The following DENND1A variants were observed in gnomAD, a reference collection of about 807,000 sequenced individuals.
DENND1A encodes DENN domain containing 1A.
In DENND1A, 51 loss-of-function variants were observed where a neutral mutation model predicts 113.7. The observed-to-expected ratio is 0.45, with a 90% confidence interval of 0.36 to 0.57. The LOEUF (loss-of-function observed/expected upper bound fraction) is 0.57, where lower values mean the gene tolerates loss of function less well. Among genes scored for constraint, DENND1A ranks in the 20% least tolerant of loss-of-function variants. The pLI is 0.00. For missense variants in DENND1A, 1,258 were observed against 1,395.9 expected (o/e 0.90, Z 1.57); for synonymous variants, 565 against 570.8 (o/e 0.99, Z 0.14).
intron 11 of DENND1A, among the ~76,000 whole-genome samples, chr9:123,596,242 A>T (rs1392473569): frequency 6.6e-6 from 1 of 152,148 alleles, no homozygotes; most frequent in Non-Finnish European, 1.5e-5. Context: ...TGAACAACAG[A>T]TTCTTTGGCC....
chr9:123,540,216 A>T (rs1482664584), intron 13 of DENND1A, among the ~76,000 whole-genome samples: 1 of 152,250 alleles, frequency 6.6e-6, no homozygotes, highest in East Asian at 1.9e-4. Flanking sequence ...AGAGCCAGGT[A>T]CCATGCTGTA....
intron 11 of DENND1A, among the ~76,000 whole-genome samples, chr9:123,596,895 T>C (rs989955111): frequency 1.1e-4 from 16 of 152,192 alleles, no homozygotes; most frequent in African/African-American, 7.2e-5. Flanking sequence ...ATCTGTAAAA[T>C]AGGGGCCCCA....
At chr9:123,527,534 T>G (rs556866304) in intron 13 of DENND1A, among the ~76,000 whole-genome samples, 1 of 152,274 alleles carries the variant, frequency 6.6e-6, no homozygotes, top group South Asian at 2.1e-4. Flanking sequence ...TATCCCTGGC[T>G]ACCCCACTCA....
At chr9:123,386,551 T>C (rs1413874285) in intron 22 of DENND1A, among the ~76,000 whole-genome samples, 1 of 151,978 alleles carries the variant, frequency 6.6e-6, no homozygotes, top group Non-Finnish European at 1.5e-5. Flanking sequence ...CCAGCTAATT[T>C]TTGTAGTTTT....
At chr9:123,523,098 T>C (rs1485025469) in intron 13 of DENND1A, among the ~76,000 whole-genome samples, 2 of 152,166 alleles carry the variant, frequency 1.3e-5, no homozygotes, top group Non-Finnish European at 2.9e-5. Context: ...ATTGGTAACA[T>C]ACTTAACAAA....
chr9:123,473,889 T>C (rs1269312803), intron 13 of DENND1A, among the ~76,000 whole-genome samples: 1 of 151,868 alleles, frequency 6.6e-6, no homozygotes, highest in African/African-American at 2.4e-5. Context: ...CTTCGGTGGC[T>C]GAGCTTCTGC....
At chr9:123,851,809 T>C (rs1285844748) in intron 2 of DENND1A, among the ~76,000 whole-genome samples, 1 of 151,940 alleles carries the variant, frequency 6.6e-6, no homozygotes, top group Non-Finnish European at 1.5e-5. Context: ...AAAATACAAA[T>C]GAAAAAACAA....
At chr9:123,623,569 T>A (rs1034459975) in intron 10 of DENND1A, among the ~76,000 whole-genome samples, 8 of 152,114 alleles carry the variant, frequency 5.3e-5, no homozygotes, top group Non-Finnish European at 1.0e-4. Flanking sequence ...AAAAAAATAA[T>A]TTGAGAAATA....
chr9:123,817,170 A>G lies in DENND1A; in HGVS notation c.89-24540T>C, dbSNP rs571446592. Among the ~76,000 whole-genome samples, 4 of 152,322 alleles carry G rather than the reference A, an allele frequency of 2.6e-5. No individual in the cohort carries two copies. The South Asian group carries it at 8.3e-4, about 32-fold the overall frequency. Reference sequence around the variant, plus strand: ...AGCCTAGATGATCTCCATGGTCAAAATATAAGTGAAAAGGGACAAAGATTT... The same window carrying G: ...AGCCTAGATGATCTCCATGGTCAAAGTATAAGTGAAAAGGGACAAAGATTT... On this transcript the variant is annotated intron_variant, in intron 2 of 23. Coordinates refer to ENST00000394215, the MANE Select transcript of DENND1A (RefSeq NM_001352964.2).
At chr9:123,611,967 C>T (rs2060437637) in intron 10 of DENND1A, among the ~76,000 whole-genome samples, 1 of 152,148 alleles carries the variant, frequency 6.6e-6, no homozygotes, top group Admixed American at 6.5e-5. Flanking sequence ...AATAATTATC[C>T]AAAGAGTAAT....
intron 8 of DENND1A, 103 bp from the exon 9 acceptor site, chr9:123,652,226 C>A: frequency 1.0e-6 from 1 of 991,052 alleles, no homozygotes; most frequent in Non-Finnish European, 1.5e-6. Context: ...AGAAAGTATA[C>A]TCTGTTCTTT....
At chr9:123,560,839 T>C (rs1347604330) in intron 12 of DENND1A, among the ~76,000 whole-genome samples, 1 of 152,124 alleles carries the variant, frequency 6.6e-6, no homozygotes, top group Non-Finnish European at 1.5e-5. Context: ...CTATAACTGA[T>C]TTATTATGAC....
At chr9:123,720,379 G>T (rs1248427640) in intron 5 of DENND1A, among the ~76,000 whole-genome samples, 2 of 152,152 alleles carry the variant, frequency 1.3e-5, no homozygotes, top group Non-Finnish European at 2.9e-5. Context: ...GGGGGCAAAA[G>T]GGGGGCCCCA....
intron 2 of DENND1A, chr9:123,843,410 T>C: frequency 3.2e-6 from 1 of 312,670 alleles, no homozygotes; most frequent in South Asian, 3.0e-5. Flanking sequence ...CTGTACCTTA[T>C]GTTTGTTAGA....
chr9:123,617,672 G>A (rs573868538), intron 10 of DENND1A, among the ~76,000 whole-genome samples: 1 of 152,330 alleles, frequency 6.6e-6, no homozygotes, highest in African/African-American at 2.4e-5. Flanking sequence ...ACATCAGGAA[G>A]GGCTCCGTGG....
intron 1 of DENND1A, among the ~76,000 whole-genome samples, chr9:123,923,241 T>C (rs1437250500): frequency 3.9e-5 from 6 of 152,244 alleles, no homozygotes; most frequent in Non-Finnish European, 5.9e-5. Flanking sequence ...CTAAGTTGAC[T>C]ACAATGGCTA....
At chr9:123,604,465 T>C (rs553893125) in intron 11 of DENND1A, among the ~76,000 whole-genome samples, 11 of 152,314 alleles carry the variant, frequency 7.2e-5, no homozygotes, top group African/African-American at 2.6e-4. Context: ...GAGCCCCTAG[T>C]ATAAACATGG....
chr9:123,614,535 G>GTA (rs1347434686), intron 10 of DENND1A, among the ~76,000 whole-genome samples: 4 of 152,002 alleles, frequency 2.6e-5, no homozygotes, highest in African/African-American at 9.7e-5. Flanking sequence ...GTTCCCCTGA[G>GTA]GTGAGCAGCT....
At chr9:123,541,991 A>C (rs937839956) in intron 13 of DENND1A, among the ~76,000 whole-genome samples, 27 of 152,314 alleles carry the variant, frequency 1.8e-4, no homozygotes, top group Middle Eastern at 3.4e-3. Flanking sequence ...CAACACTCAA[A>C]TATTCCATCG....
Sources: gnomAD v4.1 joint callset for allele counts (sites outside exome capture counted in the v4.1 genomes callset) on GRCh38, gnomAD v4.1.1 for gene constraint, MANE v1.5 for transcripts, NCBI Gene and HGNC (gene_info 2026-07-23, HGNC 2026-07-21) for gene names.